Variants in TTC6 observed in about 807,000 individuals in gnomAD.
TTC6 encodes tetratricopeptide repeat domain 6, also known as tetratricopeptide repeat protein 6.
Under a neutral mutation model 210.4 loss-of-function variants are expected in TTC6, and 172 were observed. That is an observed-to-expected ratio of 0.82 (90% CI 0.72 to 0.93). The LOEUF (loss-of-function observed/expected upper bound fraction) is 0.93. Ranked by LOEUF, TTC6 falls within the 40% of genes least tolerant of loss-of-function variation. The pLI is 0.00. For missense variants in TTC6, 2,414 were observed against 2,318.1 expected (o/e 1.04, Z -0.85); for synonymous variants, 804 against 819.6 (o/e 0.98, Z 0.32).
intron 2 of TTC6, among the ~76,000 whole-genome samples, chr14:37,610,267 C>T (rs1286333220): frequency 1.3e-5 from 2 of 152,316 alleles, no homozygotes; most frequent in Admixed American, 6.5e-5. Flanking sequence ...AGACTTTTAT[C>T]GTGAACTTCT....
intron 24 of TTC6, among the ~76,000 whole-genome samples, chr14:37,810,327 C>T (rs1273062959): frequency 6.6e-6 from 1 of 152,294 alleles, no homozygotes; most frequent in East Asian, 1.9e-4. Context: ...GAGGAGGGAA[C>T]ACCCATTGTA....
chr14:37,600,536 G>T (rs1463069973), intron 1 of TTC6, among the ~76,000 whole-genome samples: 2 of 151,998 alleles, frequency 1.3e-5, no homozygotes, highest in East Asian at 3.9e-4. Flanking sequence ...TCTTTCAGTT[G>T]TCCCTGGTGG....
intron 14 of TTC6, among the ~76,000 whole-genome samples, chr14:37,768,517 T>A (rs1274383270): frequency 6.6e-6 from 1 of 152,154 alleles, no homozygotes; most frequent in Non-Finnish European, 1.5e-5. Flanking sequence ...GGTCTTTCAC[T>A]TCCCTTGTAA....
At chr14:37,719,603 G>A (rs2095858097) in intron 6 of TTC6, among the ~76,000 whole-genome samples, 1 of 151,960 alleles carries the variant, frequency 6.6e-6, no homozygotes, top group Non-Finnish European at 1.5e-5. Flanking sequence ...CAATGGTGTA[G>A]GATAGTCTTT....
intron 3 of TTC6, among the ~76,000 whole-genome samples, chr14:37,683,693 A>G (rs1957590): frequency 0.64 from 96,724 of 151,892 alleles, 30,971 homozygotes; most frequent in East Asian, 0.85. Context: ...ATCAATATGT[A>G]TGTATGGGAA....
rs556948983 is a variant in TTC6, at chr14:37,814,237, GC to G, written c.4689+1806del. ...TCTCTCCACTAGTCATGCCACCCTG[GC>G]CTTTTCTTATTCCTTGGAAATGCTG... On this transcript the variant is annotated intron_variant, in intron 25 of 30. Coordinates refer to ENST00000553443, the Ensembl canonical transcript of TTC6. Among the ~76,000 whole-genome samples the G allele has an allele frequency of 3.3e-5, 5 of 152,134 alleles. No individual in the cohort carries two copies. In the East Asian group the frequency reaches 9.7e-4, roughly 30 times the overall value.
At chr14:37,637,596 C>T (rs916030384) in intron 1 of TTC6, among the ~76,000 whole-genome samples, 1 of 152,108 alleles carries the variant, frequency 6.6e-6, no homozygotes, top group Non-Finnish European at 1.5e-5. Flanking sequence ...GATCGTGCCA[C>T]TGCACTCCTA....
At chr14:37,837,488 C>T (rs758265984) in intron 29 of TTC6, 2 of 443,204 alleles carry the variant, frequency 4.5e-6, no homozygotes, top group South Asian at 1.6e-5. Flanking sequence ...GATTTTACAT[C>T]TTGAACTAAT....
intron 1 of TTC6, among the ~76,000 whole-genome samples, chr14:37,669,437 T>C (rs921938056): frequency 2.6e-5 from 4 of 152,212 alleles, no homozygotes; most frequent in Admixed American, 6.5e-5. Context: ...TTGTATCCAC[T>C]GGACACATTT....
At chr14:37,727,687 T>A (rs1169456060) in intron 7 of TTC6, among the ~76,000 whole-genome samples, 1 of 152,124 alleles carries the variant, frequency 6.6e-6, no homozygotes, top group African/African-American at 2.4e-5. Context: ...TTCTGTGTAC[T>A]TGACCTTATT....
At chr14:37,801,200 C>G (rs771290611) in intron 20 of TTC6, among the ~76,000 whole-genome samples, 3 of 152,180 alleles carry the variant, frequency 2.0e-5, no homozygotes, top group African/African-American at 4.8e-5. Flanking sequence ...CACAAGTCCA[C>G]AGATGGAGAG....
At chr14:37,739,822 A>T (rs1013455175) in intron 10 of TTC6, among the ~76,000 whole-genome samples, 1 of 152,140 alleles carries the variant, frequency 6.6e-6, no homozygotes, top group African/African-American at 2.4e-5. Flanking sequence ...TTCAAAATAG[A>T]TATTTAAGTA....
chr14:37,602,009 C>A (rs1238759629), intron 1 of TTC6, among the ~76,000 whole-genome samples: 2 of 152,204 alleles, frequency 1.3e-5, no homozygotes, highest in African/African-American at 2.4e-5. Flanking sequence ...AAAGCCGAGC[C>A]CACGTAGTGA....
At chr14:37,651,223 C>G (rs1385698945) in intron 1 of TTC6, among the ~76,000 whole-genome samples, 2 of 151,082 alleles carry the variant, frequency 1.3e-5, no homozygotes, top group Non-Finnish European at 3.0e-5. Context: ...CCTCTCTGCC[C>G]CTCCCTTCCC....
intron 6 of TTC6, among the ~76,000 whole-genome samples, chr14:37,721,071 G>T (rs1486573286): frequency 2.0e-5 from 3 of 148,856 alleles, no homozygotes; most frequent in East Asian, 2.0e-4. Flanking sequence ...AAGAAATTAT[G>T]GTCAGTGGAA....
chr14:37,708,180 A>G (rs978684455), intron 5 of TTC6, among the ~76,000 whole-genome samples: 3 of 152,026 alleles, frequency 2.0e-5, no homozygotes, highest in African/African-American at 7.2e-5. Flanking sequence ...ATCTATATAT[A>G]TAAATACAAA....
At chr14:37,780,724 C>G (rs943309094) in intron 14 of TTC6, among the ~76,000 whole-genome samples, 4 of 152,102 alleles carry the variant, frequency 2.6e-5, no homozygotes, top group African/African-American at 4.8e-5. Context: ...TGGTTTGCTG[C>G]ACCCGTCAAC....
intron 1 of TTC6, among the ~76,000 whole-genome samples, chr14:37,629,044 C>A (rs1372533413): frequency 1.3e-5 from 2 of 152,122 alleles, no homozygotes; most frequent in Non-Finnish European, 2.9e-5. Context: ...TAGCATGATG[C>A]CTCCAGCTTT....
intron 3 of TTC6, among the ~76,000 whole-genome samples, chr14:37,685,519 G>A (rs1438966411): frequency 6.6e-6 from 1 of 152,196 alleles, no homozygotes; most frequent in African/African-American, 2.4e-5. Context: ...GATGACAAGA[G>A]ATGACAGCTG....
Sources: gnomAD v4.1 joint callset for allele counts (sites outside exome capture counted in the v4.1 genomes callset) on GRCh38, gnomAD v4.1.1 for gene constraint, MANE v1.5 for transcripts, NCBI Gene and HGNC (gene_info 2026-07-23, HGNC 2026-07-21) for gene names.